COL14A1: variants seen among roughly 807,000 people sequenced by gnomAD.
The protein encoded by COL14A1 is collagen type XIV alpha 1 chain.
COL14A1 carries 136 observed loss-of-function variants against 230.3 expected under a neutral mutation model. The observed-to-expected ratio is 0.59, with a 90% CI of 0.51 to 0.68. The LOEUF (loss-of-function observed/expected upper bound fraction) is 0.68, where lower values mean the gene tolerates loss of function less well. COL14A1 is among the 30% of genes least tolerant of loss of function. The probability of loss-of-function intolerance (pLI) is 0.00; values close to 1 mark genes in which losing one functional copy is unlikely to be tolerated. For missense variants in COL14A1, 1,976 were observed against 2,215.8 expected (o/e 0.89, Z 2.17); for synonymous variants, 792 against 784.1 (o/e 1.01, Z -0.17).
At chr8:120,336,814 C>G (rs935419613) in intron 42 of COL14A1, among the ~76,000 whole-genome samples, 1 of 152,180 alleles carries the variant, frequency 6.6e-6, no homozygotes, top group African/African-American at 2.4e-5. Flanking sequence ...TGCTAACAAC[C>G]TACAGGATGC....
chr8:120,320,788 G>A (rs1345427749), intron 40 of COL14A1, among the ~76,000 whole-genome samples: 2 of 152,156 alleles, frequency 1.3e-5, no homozygotes, highest in African/African-American at 2.4e-5. Flanking sequence ...AGTGATGATG[G>A]TATATGCAGT....
intron 5 of COL14A1, among the ~76,000 whole-genome samples, chr8:120,175,596 A>G (rs1182152477): frequency 3.3e-5 from 5 of 152,106 alleles, no homozygotes; most frequent in East Asian, 1.9e-4. Flanking sequence ...TCAGTCTTCT[A>G]TTTTTTAAAA....
intron 23 of COL14A1, among the ~76,000 whole-genome samples, chr8:120,260,282 C>T (rs139235774): frequency 5.1e-4 from 77 of 152,046 alleles, no homozygotes; most frequent in Admixed American, 8.5e-4. Context: ...CTGATATATG[C>T]ATATTATAAT....
intron 40 of COL14A1, among the ~76,000 whole-genome samples, chr8:120,318,510 T>C (rs1821318285): frequency 6.6e-6 from 1 of 152,104 alleles, no homozygotes; most frequent in African/African-American, 2.4e-5. Context: ...CTAACACAGT[T>C]AGATATTAAT....
chr8:120,219,534 C>G (rs1817864414), intron 14 of COL14A1, among the ~76,000 whole-genome samples: 3 of 152,134 alleles, frequency 2.0e-5, no homozygotes, highest in African/African-American at 7.2e-5. Flanking sequence ...GTGCCCTTAC[C>G]TGGTGGAAGG....
intron 20 of COL14A1, among the ~76,000 whole-genome samples, chr8:120,246,810 G>A (rs1292049572): frequency 2.0e-5 from 3 of 152,152 alleles, no homozygotes; most frequent in African/African-American, 7.2e-5. Flanking sequence ...ATAAATGACT[G>A]TAATGTTTTG....
chr8:120,321,103 A>C (rs1821423511), intron 40 of COL14A1, among the ~76,000 whole-genome samples: 1 of 152,166 alleles, frequency 6.6e-6, no homozygotes, highest in African/African-American at 2.4e-5. Flanking sequence ...CTGTGAGAAA[A>C]TCTTTCTCAA....
intron 36 of COL14A1, among the ~76,000 whole-genome samples, chr8:120,302,313 C>A (rs78827543): frequency 0.54 from 81,690 of 151,504 alleles, 23,777 homozygotes; most frequent in African/African-American, 0.78. Context: ...AATCTTTGCT[C>A]GTGCCTATGT....
intron 14 of COL14A1, among the ~76,000 whole-genome samples, chr8:120,224,022 C>CTTT (rs1563681445): frequency 6.2e-5 from 3 of 48,612 alleles, no homozygotes; most frequent in African/African-American, 1.5e-4. Context: ...GCCCTCATCT[C>CTTT]CTTTTTTTTT....
intron 19 of COL14A1, among the ~76,000 whole-genome samples, chr8:120,238,936 C>T (rs1818535417): frequency 6.6e-6 from 1 of 152,198 alleles, no homozygotes. Flanking sequence ...ATGGGCTGCA[C>T]CCACTGTCTA....
chr8:120,162,636 A>T, intron 4 of COL14A1, 67 bp downstream of exon 4: 1 of 1,350,478 alleles, frequency 7.4e-7, no homozygotes, highest in Non-Finnish European at 9.9e-7. Context: ...TGAGTCTGTG[A>T]TATATATTCT....
chr8:120,190,482 T>G (rs905310522), intron 5 of COL14A1, among the ~76,000 whole-genome samples: 4 of 152,148 alleles, frequency 2.6e-5, no homozygotes, highest in Non-Finnish European at 4.4e-5. Flanking sequence ...AGAAGCTCTT[T>G]AGTTTAATTA....
chr8:120,315,702 A>AG, intron 39 of COL14A1, 116 bp downstream of exon 39: 1 of 900,042 alleles, frequency 1.1e-6, no homozygotes, highest in Non-Finnish European at 1.7e-6. Context: ...TCCATATTAA[A>AG]GACTGCCTGT....
chr8:120,136,790 C>G, intron 1 of COL14A1, among the ~76,000 whole-genome samples: 1 of 151,368 alleles, frequency 6.6e-6, no homozygotes, highest in African/African-American at 2.4e-5. Context: ...ATGGTGAAAC[C>G]CCCATCTCTA....
At chr8:120,318,624 C>T (rs908878454) in intron 40 of COL14A1, among the ~76,000 whole-genome samples, 2 of 152,070 alleles carry the variant, frequency 1.3e-5, no homozygotes, top group African/African-American at 4.8e-5. Context: ...CATTGGAGGG[C>T]CATCTCTCCC....
intron 20 of COL14A1, 87 bp from the exon 21 acceptor site, chr8:120,247,526 G>T (rs548290531): frequency 1.6e-6 from 2 of 1,222,382 alleles, no homozygotes; most frequent in East Asian, 5.1e-5. Context: ...TTTGTGGGAA[G>T]ATGTCTTATA....
rs986989383 is a variant in COL14A1 at position 120,218,021 on chromosome 8, TATAAATATAA to T, written c.1737+1541_1737+1550del. 1.8e-4 allele frequency among the ~76,000 whole-genome samples: 25 copies of T among 142,446 alleles called. No individual in the cohort carries two copies. The South Asian group carries it at 2.3e-3, about 13-fold the overall frequency. 93.5% of individuals were successfully genotyped at this position (142,446 alleles called of 152,430 possible). ...TATATTATATATTTAAATTATATAT[TATAAATATAA>T]ATAAATATATATTATATATCTATTT... On this transcript the variant is annotated intron_variant, in intron 14 of 47. Coordinates refer to ENST00000297848, the MANE Select transcript of COL14A1 (RefSeq NM_021110.4).
intron 23 of COL14A1, among the ~76,000 whole-genome samples, chr8:120,258,678 A>G (rs539314198): frequency 6.6e-6 from 1 of 152,284 alleles, no homozygotes; most frequent in South Asian, 2.1e-4. Context: ...TCTTCTCAGG[A>G]AAGACTGAAA....
intron 31 of COL14A1, among the ~76,000 whole-genome samples, chr8:120,281,389 C>A (rs1313653635): frequency 1.3e-5 from 2 of 151,848 alleles, no homozygotes; most frequent in South Asian, 2.1e-4. Context: ...AAATAAGAGT[C>A]TCTACAAAAA....
Sources: allele counts gnomAD v4.1 joint callset (sites outside exome capture counted in the v4.1 genomes callset), GRCh38; gene constraint gnomAD v4.1.1; transcripts MANE v1.5; gene names NCBI Gene and HGNC (gene_info 2026-07-23, HGNC 2026-07-21).